The following SRPK2 variants were observed in gnomAD, a reference collection of about 807,000 sequenced individuals.
SRPK2 encodes SFRS protein kinase 2.
Under a neutral mutation model 90.8 loss-of-function variants are expected in SRPK2, and 21 were observed. The ratio of observed to expected loss-of-function variants is 0.23; its 90% CI spans 0.16 to 0.33. The LOEUF (loss-of-function observed/expected upper bound fraction) is 0.33, where lower values mean the gene tolerates loss of function less well. SRPK2 is among the 10% of genes least tolerant of loss of function. The pLI is 1.00. For missense variants in SRPK2, 620 were observed against 869.0 expected (o/e 0.71, Z 3.60); for synonymous variants, 288 against 311.1 (o/e 0.93, Z 0.78).
intron 2 of SRPK2, among the ~76,000 whole-genome samples, chr7:105,209,298 C>G (rs931204673): frequency 1.3e-5 from 2 of 152,104 alleles, no homozygotes; most frequent in African/African-American, 4.8e-5. Flanking sequence ...ACAGGTGATC[C>G]CAGCACTTTG....
intron 15 of SRPK2, among the ~76,000 whole-genome samples, chr7:105,124,845 C>T (rs1387815065): frequency 6.6e-6 from 1 of 151,492 alleles, no homozygotes; most frequent in Non-Finnish European, 1.5e-5. Context: ...CAAAAAAGTA[C>T]AGCAGGCTGG....
In SRPK2 at chr7:105,340,760, A is replaced by C. The variant is rs189866638; in HGVS notation, c.71+47888T>G. On this transcript the variant is annotated intron_variant, in intron 2 of 15. Transcript: ENST00000393651. ...TACAAGGCCACAGCAGATTTTCTTA[A>C]AAAATGAAGCAAGACTGTCAATTAA... Among the ~76,000 whole-genome samples the C allele has an allele frequency of 2.8e-3, 425 of 152,222 alleles. 3 individuals are homozygous for C. Among genetic ancestry groups the C allele is most frequent in the Admixed American group, 4.6e-3 (71 of 15,274 alleles).
chr7:105,307,777 T>G (rs930021791), intron 2 of SRPK2, among the ~76,000 whole-genome samples: 1 of 152,242 alleles, frequency 6.6e-6, no homozygotes, highest in Non-Finnish European at 1.5e-5. Context: ...TAAGTATATA[T>G]TTTATAATCA....
chr7:105,306,188 A>G (rs563114517), intron 2 of SRPK2: 2 of 172,134 alleles, frequency 1.2e-5, no homozygotes, highest in South Asian at 1.2e-4. Flanking sequence ...ATGAGTAACA[A>G]TGAGAATTTT....
intron 15 of SRPK2, among the ~76,000 whole-genome samples, chr7:105,124,133 C>G (rs1238428192): frequency 6.6e-6 from 1 of 152,222 alleles, no homozygotes; most frequent in Non-Finnish European, 1.5e-5. Flanking sequence ...GCAGGCCGCT[C>G]TCACTGAAAG....
At chr7:105,387,910 G>A (rs1194254412) in intron 2 of SRPK2, among the ~76,000 whole-genome samples, 4 of 152,188 alleles carry the variant, frequency 2.6e-5, no homozygotes, top group Admixed American at 2.6e-4. Flanking sequence ...GGAGGTGGCC[G>A]CCACGGGCGC....
chr7:105,223,571 T>C (rs1361727044), intron 2 of SRPK2, among the ~76,000 whole-genome samples: 1 of 152,356 alleles, frequency 6.6e-6, no homozygotes, highest in East Asian at 1.9e-4. Context: ...GAATTGTCTA[T>C]GTCCCCCACA....
intron 2 of SRPK2, among the ~76,000 whole-genome samples, chr7:105,328,140 A>G (rs1171911420): frequency 6.6e-6 from 1 of 152,160 alleles, no homozygotes; most frequent in East Asian, 1.9e-4. Flanking sequence ...GAGACATACA[A>G]ATGACTCTAT....
chr7:105,135,864 A>G (rs1264957267), intron 11 of SRPK2, among the ~76,000 whole-genome samples: 1 of 151,020 alleles, frequency 6.6e-6, no homozygotes, highest in African/African-American at 2.4e-5. Context: ...TCCTAGATTC[A>G]AGCAATTCTC....
At chr7:105,248,026 G>C (rs1563142026) in intron 2 of SRPK2, among the ~76,000 whole-genome samples, 1 of 151,990 alleles carries the variant, frequency 6.6e-6, no homozygotes, top group African/African-American at 2.4e-5. Context: ...GATTAATTCT[G>C]TATTTTTAGT....
chr7:105,290,202 A>C (rs1476465566), intron 2 of SRPK2, among the ~76,000 whole-genome samples: 1 of 151,022 alleles, frequency 6.6e-6, no homozygotes, highest in Non-Finnish European at 1.5e-5. Flanking sequence ...CTCTTCAAAA[A>C]AAAAAAAAAA....
Position 105,136,109 on chromosome 7 carries a change from T to C in SRPK2, c.1544-3005A>G, listed in dbSNP as rs77917815. On this transcript the variant is annotated intron_variant, in intron 11 of 15. Transcript: ENST00000393651. ...TGTACTTAATATCCCTCATTAAGGT[T>C]CACTGAACAGAATCTCTTTGGTGAC... 3.2e-3 allele frequency among the ~76,000 whole-genome samples: 484 copies of C among 152,284 alleles called. 2 individuals are homozygous for C. Among genetic ancestry groups the C allele is most frequent in the African/African-American group, 0.011 (461 of 41,560 alleles).
chr7:105,281,594 A>C (rs1173029809), intron 2 of SRPK2, among the ~76,000 whole-genome samples: 1 of 151,874 alleles, frequency 6.6e-6, no homozygotes, highest in Non-Finnish European at 1.5e-5. Flanking sequence ...TAAGGATATA[A>C]TGCACTATCA....
chr7:105,211,203 G>A (rs950082505), intron 2 of SRPK2, among the ~76,000 whole-genome samples: 2 of 152,044 alleles, frequency 1.3e-5, no homozygotes, highest in Non-Finnish European at 2.9e-5. Context: ...TACTAGAGTA[G>A]ATCATGGAGA....
chr7:105,131,364 A>G (rs1468152323), intron 13 of SRPK2, among the ~76,000 whole-genome samples: 4 of 152,156 alleles, frequency 2.6e-5, no homozygotes, highest in Non-Finnish European at 5.9e-5. Context: ...GCCTCTCCAC[A>G]CAGCACTCTC....
intron 13 of SRPK2, among the ~76,000 whole-genome samples, chr7:105,132,270 G>T (rs546792535): frequency 6.6e-6 from 1 of 152,336 alleles, no homozygotes; most frequent in East Asian, 1.9e-4. Flanking sequence ...CTTTATAAGG[G>T]AAGAGAGATT....
chr7:105,160,480 C>A, intron 7 of SRPK2, 27 bp downstream of exon 7: 1 of 1,402,224 alleles, frequency 7.1e-7, no homozygotes, highest in Non-Finnish European at 1.0e-6. Flanking sequence ...GGTACTAGGG[C>A]CTAGGGGCTG....
chr7:105,293,128 T>A (rs952372856), intron 2 of SRPK2, among the ~76,000 whole-genome samples: 1 of 152,018 alleles, frequency 6.6e-6, no homozygotes, highest in African/African-American at 2.4e-5. Flanking sequence ...CGAAACCCCA[T>A]CTCTACTAAA....
chr7:105,343,744 T>C (rs572396293), intron 2 of SRPK2, among the ~76,000 whole-genome samples: 1 of 152,204 alleles, frequency 6.6e-6, no homozygotes, highest in African/African-American at 2.4e-5. Flanking sequence ...TCTCTTAGTT[T>C]ACAATGTCAT....
Sources: gnomAD v4.1 joint callset for allele counts (sites outside exome capture counted in the v4.1 genomes callset) on GRCh38, gnomAD v4.1.1 for gene constraint, MANE v1.5 for transcripts, NCBI Gene and HGNC (gene_info 2026-07-23, HGNC 2026-07-21) for gene names.